CDH4: variants seen among roughly 807,000 people sequenced by gnomAD.
CDH4 encodes the protein cadherin 4, also known as cadherin-4.
Under a neutral mutation model 86.0 loss-of-function variants are expected in CDH4, and 33 were observed. The observed-to-expected ratio is 0.38, with a 90% CI of 0.29 to 0.51. The LOEUF (loss-of-function observed/expected upper bound fraction) is 0.51, where lower values mean the gene tolerates loss of function less well. Ranked by LOEUF, CDH4 falls within the 20% of genes least tolerant of loss-of-function variation. The pLI, the probability that CDH4 is intolerant of heterozygous loss-of-function variation, is 0.86. For missense variants in CDH4, 1,114 were observed against 1,307.4 expected (o/e 0.85, Z 2.28); for synonymous variants, 555 against 549.4 (o/e 1.01, Z -0.14).
At chr20:61,364,780 G>T (rs1034159742) in intron 2 of CDH4, among the ~76,000 whole-genome samples, 2 of 152,244 alleles carry the variant, frequency 1.3e-5, no homozygotes, top group Non-Finnish European at 2.9e-5. Context: ...CGATGATGAG[G>T]CTGCCTCAGC....
intron 2 of CDH4, among the ~76,000 whole-genome samples, chr20:61,287,631 A>G (rs2084300393): frequency 2.0e-5 from 3 of 152,106 alleles, no homozygotes; most frequent in Non-Finnish European, 4.4e-5. Context: ...GTGGACCGTC[A>G]CGGGCATGCA....
At chr20:61,785,033 C>A (rs528414093) in intron 4 of CDH4, among the ~76,000 whole-genome samples, 1 of 152,342 alleles carries the variant, frequency 6.6e-6, no homozygotes, top group South Asian at 2.1e-4. Flanking sequence ...CTGTGGCCGA[C>A]GCTTGGGCAC....
intron 2 of CDH4, among the ~76,000 whole-genome samples, chr20:61,697,841 TCCACCTG>T (rs2087731614): frequency 6.6e-6 from 1 of 152,184 alleles, no homozygotes; most frequent in African/African-American, 2.4e-5. Context: ...TCCTCACCTG[TCCACCTG>T]CCCAGGAGAC....
At chr20:61,643,702 C>G (rs2087034053) in intron 2 of CDH4, among the ~76,000 whole-genome samples, 1 of 152,238 alleles carries the variant, frequency 6.6e-6, no homozygotes, top group South Asian at 2.1e-4. Context: ...GCCACGGTGG[C>G]TCTTCTTTGA....
chr20:61,564,131 T>C (rs190171446), intron 2 of CDH4, among the ~76,000 whole-genome samples: 13 of 152,308 alleles, frequency 8.5e-5, no homozygotes, highest in African/African-American at 2.4e-4. Flanking sequence ...ACATCAGTGG[T>C]TGGGTTTAGG....
rs1222718171 is a variant in CDH4 at position 61,589,934 on chromosome 20, T to TTAACAGGCC, written c.170-153629_170-153628insTAACAGGCC. 5.7e-4 allele frequency among the ~76,000 whole-genome samples: 86 copies of TTAACAGGCC among 151,394 alleles called. 1 individual carries two copies. The South Asian group carries it at 0.018, about 32-fold the overall frequency. On this transcript the variant is annotated intron_variant, in intron 2 of 15. Transcript: ENST00000614565. ...GGATTAACAGGAGCGATGGGAATGG[T>TTAACAGGCC]GCTCCTTGAGAGGGGGCGGCCAGGA...
chr20:61,641,633 A>G (rs6121733), intron 2 of CDH4, among the ~76,000 whole-genome samples: 70,485 of 122,652 alleles, frequency 0.57, 20,662 homozygotes, highest in African/African-American at 0.68. Context: ...CTGACCCACC[A>G]GGCACCACAG....
chr20:61,395,349 TATTA>T (rs1441223246), intron 2 of CDH4, among the ~76,000 whole-genome samples: 5 of 152,310 alleles, frequency 3.3e-5, no homozygotes, highest in East Asian at 3.9e-4. Context: ...AATAAATTTG[TATTA>T]ATTATTAACA....
intron 2 of CDH4, among the ~76,000 whole-genome samples, chr20:61,587,275 C>T (rs1308065536): frequency 2.0e-5 from 3 of 152,032 alleles, no homozygotes; most frequent in Middle Eastern, 3.2e-3. Flanking sequence ...TGGACAGGGC[C>T]GGGCAGGTGG....
chr20:61,429,213 T>C (rs772436548), intron 2 of CDH4, among the ~76,000 whole-genome samples: 2 of 152,156 alleles, frequency 1.3e-5, no homozygotes, highest in African/African-American at 4.8e-5. Flanking sequence ...ACCCTTGAGG[T>C]AGGGACCACC....
In CDH4 at chr20:61,681,561, T is replaced by C. The variant is rs1053540023; in HGVS notation, c.170-62002T>C. On this transcript the variant is annotated intron_variant, in intron 2 of 15. Transcript: ENST00000614565. The surrounding 1 kb of genome is among the most constrained non-coding windows in gnomAD (Gnocchi z 4.5). The stretch of plus-strand genomic sequence containing the variant: ...AATCTGTTAGCTCCCGAACTCTTGT[T>C]CCAAGGGGTAGGAGAAAAAGGGGGC... Among the ~76,000 whole-genome samples, 2 of 152,132 alleles carry C rather than the reference T, an allele frequency of 1.3e-5. No individual in the cohort carries two copies. Among genetic ancestry groups the C allele is most frequent in the Non-Finnish European group, 1.5e-5 (1 of 68,024 alleles).
Position 61,557,061 on chromosome 20 carries a change from C to T in CDH4, c.170-186502C>T, listed in dbSNP as rs372004770. 3.3e-5 allele frequency among the ~76,000 whole-genome samples: 5 copies of T among 152,272 alleles called. No individual in the cohort carries two copies. In the East Asian group the frequency reaches 7.7e-4, roughly 24 times the overall value. ...TGGAGAGAATGCTTTTCAGTTTTAG[C>T]CTTCCTCTTGGGTGTGTGGGTGTTG... On this transcript the variant is annotated intron_variant, in intron 2 of 15. Transcript: ENST00000614565.
intron 2 of CDH4, among the ~76,000 whole-genome samples, chr20:61,263,956 C>T (rs1568772461): frequency 6.6e-6 from 1 of 152,136 alleles, no homozygotes; most frequent in South Asian, 2.1e-4. Flanking sequence ...ACATCCTTCT[C>T]TTCCACTTGT....
At chr20:61,490,303 A>C (rs1458575285) in intron 2 of CDH4, among the ~76,000 whole-genome samples, 1 of 152,202 alleles carries the variant, frequency 6.6e-6, no homozygotes, top group Non-Finnish European at 1.5e-5. Context: ...GTGCAGCCAC[A>C]TGGCTGAGCC....
At chr20:61,325,641 G>A (rs1362968487) in intron 2 of CDH4, among the ~76,000 whole-genome samples, 1 of 152,046 alleles carries the variant, frequency 6.6e-6, no homozygotes, top group Non-Finnish European at 1.5e-5. Flanking sequence ...CTGGCCCAGG[G>A]TGGTGCGACT....
chr20:61,599,316 TG>T (rs2145742178), intron 2 of CDH4, among the ~76,000 whole-genome samples: 1 of 152,262 alleles, frequency 6.6e-6, no homozygotes, highest in Non-Finnish European at 1.5e-5. Flanking sequence ...CTCCTTCTGC[TG>T]GGGGACTCTG....
intron 2 of CDH4, among the ~76,000 whole-genome samples, chr20:61,622,245 A>T (rs1316929039): frequency 6.6e-6 from 1 of 152,222 alleles, no homozygotes; most frequent in Non-Finnish European, 1.5e-5. Flanking sequence ...CCATGTGTTT[A>T]TGGAGTAATG....
intron 6 of CDH4, among the ~76,000 whole-genome samples, chr20:61,859,562 T>C (rs1983224179): frequency 6.6e-6 from 1 of 152,232 alleles, no homozygotes; most frequent in South Asian, 2.1e-4. Flanking sequence ...TTTGAGTTAA[T>C]TTTTATATAA....
intron 4 of CDH4, among the ~76,000 whole-genome samples, chr20:61,803,527 A>C (rs1568824970): frequency 6.6e-6 from 1 of 152,210 alleles, no homozygotes; most frequent in African/African-American, 2.4e-5. Context: ...TGCCCCTCTG[A>C]GTTCATCCTC....
Sources: gnomAD v4.1 joint callset for allele counts (sites outside exome capture counted in the v4.1 genomes callset) on GRCh38, gnomAD v4.1.1 for gene constraint, Gnocchi (gnomAD v3.1) non-coding constraint, MANE v1.5 for transcripts, NCBI Gene and HGNC (gene_info 2026-07-23, HGNC 2026-07-21) for gene names.